Variants in ARHGAP22 observed in about 807,000 individuals in gnomAD.
The protein encoded by ARHGAP22 is Rho GTPase activating protein 22, also known as rho GTPase-activating protein 22.
Under a neutral mutation model 59.1 loss-of-function variants are expected in ARHGAP22, and 48 were observed. That is an observed-to-expected ratio of 0.81 (90% CI 0.64 to 1.03). ARHGAP22 has a LOEUF of 1.03. Ranked by LOEUF, ARHGAP22 falls within the 50% of genes least tolerant of loss-of-function variation. The probability of loss-of-function intolerance (pLI) is 0.00; values close to 1 mark genes in which losing one functional copy is unlikely to be tolerated. For missense variants in ARHGAP22, 1,015 were observed against 958.7 expected (o/e 1.06, Z -0.78); for synonymous variants, 445 against 416.4 (o/e 1.07, Z -0.84).
intron 1 of ARHGAP22, among the ~76,000 whole-genome samples, chr10:48,592,713 T>C (rs2059835971): frequency 6.6e-6 from 1 of 152,146 alleles, no homozygotes; most frequent in Non-Finnish European, 1.5e-5. Flanking sequence ...CAATGCTGCA[T>C]GTCCAAAGCA....
At chr10:48,469,141 G>A (rs1276006731) in intron 4 of ARHGAP22, among the ~76,000 whole-genome samples, 1 of 152,218 alleles carries the variant, frequency 6.6e-6, no homozygotes, top group East Asian at 1.9e-4. Context: ...TGTCTTCAGA[G>A]TCAGACTGGC....
At chr10:48,469,542 T>C (rs888470163) in intron 4 of ARHGAP22, among the ~76,000 whole-genome samples, 1 of 152,176 alleles carries the variant, frequency 6.6e-6, no homozygotes, top group Admixed American at 6.5e-5. Context: ...GTCTTAATTA[T>C]GCCCCCCTCC....
intron 1 of ARHGAP22, among the ~76,000 whole-genome samples, chr10:48,588,112 A>G (rs896072651): frequency 3.9e-5 from 6 of 152,258 alleles, no homozygotes; most frequent in African/African-American, 1.4e-4. Context: ...CTGTGCCCTG[A>G]TGCCCAAGGC....
rs1438910335 is a variant in ARHGAP22, at chr10:48,531,309, T to C, written c.322+24154A>G. 4.6e-5 allele frequency among the ~76,000 whole-genome samples: 7 copies of C among 152,144 alleles called. No individual in the cohort carries two copies. The East Asian group carries it at 1.3e-3, about 29-fold the overall frequency. ...AGGCTGAGGGATAAAAGACTACACA[T>C]TGGGTACAATTTGCACTGCTGAGGT... On this transcript the variant is annotated intron_variant, in intron 3 of 9. Coordinates refer to ENST00000249601, the MANE Select transcript of ARHGAP22 (RefSeq NM_021226.4).
At chr10:48,451,429 G>C (rs1400643909) in intron 8 of ARHGAP22, 1 of 703,426 alleles carries the variant, frequency 1.4e-6, no homozygotes, top group African/African-American at 1.7e-5. Context: ...GGGTGAGGAA[G>C]CAGGCACCAA....
chr10:48,635,630 G>C (rs763521295), intron 1 of ARHGAP22, among the ~76,000 whole-genome samples: 41 of 152,382 alleles, frequency 2.7e-4, no homozygotes, highest in South Asian at 8.3e-4. Context: ...CTTATGGCAG[G>C]TGAGTCTGCA....
At chr10:48,447,639 C>T (rs1386812656) in intron 9 of ARHGAP22, among the ~76,000 whole-genome samples, 7 of 152,200 alleles carry the variant, frequency 4.6e-5, no homozygotes, top group Middle Eastern at 3.4e-3. Flanking sequence ...GCCCCTGGCT[C>T]GGGCCTGGAC....
chr10:48,483,937 A>C (rs1723402739), intron 3 of ARHGAP22, among the ~76,000 whole-genome samples: 1 of 152,240 alleles, frequency 6.6e-6, no homozygotes, highest in Non-Finnish European at 1.5e-5. Context: ...AGCCTTAGCC[A>C]TAAAGTCTTT....
chr10:48,548,416 A>G (rs1049857680), intron 3 of ARHGAP22, among the ~76,000 whole-genome samples: 12 of 152,134 alleles, frequency 7.9e-5, no homozygotes, highest in African/African-American at 2.4e-4. Flanking sequence ...CAGCCAACCC[A>G]CTTGGTTCCC....
At chr10:48,633,090 G>C (rs1388861401) in intron 1 of ARHGAP22, among the ~76,000 whole-genome samples, 1 of 152,212 alleles carries the variant, frequency 6.6e-6, no homozygotes, top group Non-Finnish European at 1.5e-5. Flanking sequence ...GAAGGTAAGA[G>C]TTTTTGCCAA....
intron 3 of ARHGAP22, chr10:48,510,554 G>C (rs2052656287): frequency 6.6e-6 from 1 of 152,150 alleles, no homozygotes; most frequent in Non-Finnish European, 1.5e-5. Context: ...GAAGGGCTCG[G>C]CTTCCTCCCT....
intron 1 of ARHGAP22, among the ~76,000 whole-genome samples, chr10:48,625,693 T>TACACAAACACACACACACAC (rs71465465): frequency 7.2e-6 from 1 of 138,880 alleles, no homozygotes; most frequent in Non-Finnish European, 1.6e-5. Flanking sequence ...CTGCAACGTG[T>TACACAAACACACACACACAC]ACACACACAC....
chr10:48,633,963 T>C (rs1038953780), intron 1 of ARHGAP22, among the ~76,000 whole-genome samples: 1 of 152,178 alleles, frequency 6.6e-6, no homozygotes, highest in Non-Finnish European at 1.5e-5. Context: ...ACCATGGGCA[T>C]CTATGCCCTA....
chr10:48,564,015 C>T (rs758669165), intron 2 of ARHGAP22, among the ~76,000 whole-genome samples: 1 of 152,170 alleles, frequency 6.6e-6, no homozygotes, highest in Non-Finnish European at 1.5e-5. Flanking sequence ...AAAGGACGGT[C>T]AGTACTTAAT....
upstream of ARHGAP22, among the ~76,000 whole-genome samples, chr10:48,605,691 T>G (rs1488286882): frequency 6.6e-6 from 1 of 152,188 alleles, no homozygotes; most frequent in Non-Finnish European, 1.5e-5. Flanking sequence ...ACCCAAGGAA[T>G]GCAATCATAA....
Position 48,454,008 on chromosome 10 carries a change from A to C in ARHGAP22, c.866+80T>G, listed in dbSNP as rs192803871. On this transcript the variant is annotated intron_variant, in intron 7 of 9. Coordinates refer to ENST00000249601, the MANE Select transcript of ARHGAP22 (RefSeq NM_021226.4). ...CCCGGGCCCCCCTCTGACAAGGAAG[A>C]GTTGCGTGTCTCGCTGTGGGGTTGG... 5.6e-5 allele frequency: 80 copies of C among 1,423,244 alleles called. No homozygotes were observed. In the African/African-American group the frequency reaches 1.0e-3, roughly 18 times the overall value. The allele number at this position is 1,423,244 out of a possible 1,614,324, so 88.2% of individuals were successfully genotyped here.
intron 3 of ARHGAP22, among the ~76,000 whole-genome samples, chr10:48,523,150 T>C (rs2053968464): frequency 6.6e-6 from 1 of 152,162 alleles, no homozygotes; most frequent in African/African-American, 2.4e-5. Context: ...TTACCCTATA[T>C]GGTTTACAGG....
intron 1 of ARHGAP22, among the ~76,000 whole-genome samples, chr10:48,614,095 A>C (rs901271232): frequency 4.6e-5 from 7 of 152,238 alleles, no homozygotes; most frequent in African/African-American, 1.7e-4. Flanking sequence ...TGTTCACTAT[A>C]AATTACTCAG....
At chr10:48,581,088 T>C (rs1042846572) in intron 2 of ARHGAP22, among the ~76,000 whole-genome samples, 3 of 152,074 alleles carry the variant, frequency 2.0e-5, no homozygotes, top group Non-Finnish European at 4.4e-5. Flanking sequence ...TACTCTGCCT[T>C]CCCCCAAAGA....
Sources: allele counts gnomAD v4.1 joint callset (sites outside exome capture counted in the v4.1 genomes callset), GRCh38; gene constraint gnomAD v4.1.1; transcripts MANE v1.5; gene names NCBI Gene and HGNC (gene_info 2026-07-23, HGNC 2026-07-21).